VPS13C: variants seen among roughly 807,000 people sequenced by gnomAD.
VPS13C encodes the protein vacuolar protein sorting 13 homolog C.
In VPS13C, 358 loss-of-function variants were observed where a neutral mutation model predicts 456.8. The ratio of observed to expected loss-of-function variants is 0.78; its 90% CI spans 0.72 to 0.86. VPS13C has a LOEUF of 0.86. Among genes scored for constraint, VPS13C ranks in the 40% least tolerant of loss-of-function variants. The probability of loss-of-function intolerance (pLI) is 0.00; values close to 1 mark genes in which losing one functional copy is unlikely to be tolerated. For missense variants in VPS13C, 4,818 were observed against 4,385.4 expected, an observed-to-expected ratio of 1.10 and a Z score of -2.79; for synonymous variants, 1,578 against 1,486.7, an observed-to-expected ratio of 1.06 and a Z score of -1.41.
At chr15:61,894,936 G>C (rs551015391) in intron 66 of VPS13C, among the ~76,000 whole-genome samples, 1 of 152,100 alleles carries the variant, frequency 6.6e-6, no homozygotes. Flanking sequence ...CAGAATACAC[G>C]TTCTTCTCAT....
intron 45 of VPS13C, among the ~76,000 whole-genome samples, chr15:61,942,941 AC>A (rs1245101428): frequency 6.6e-6 from 1 of 152,132 alleles, no homozygotes; most frequent in African/African-American, 2.4e-5. Flanking sequence ...AAATCAATGT[AC>A]AAAAATCAGT....
At chr15:61,917,697 A>C in intron 59 of VPS13C, 62 bp from the exon 60 acceptor site, 432 of 1,518,652 alleles carry the variant, frequency 2.8e-4, no homozygotes, top group Non-Finnish European at 3.5e-4. Flanking sequence ...AAAGCATCTC[A>C]TTAAATCTTC....
chr15:61,895,030 C>A (rs1427964687), intron 66 of VPS13C, among the ~76,000 whole-genome samples: 1 of 152,036 alleles, frequency 6.6e-6, no homozygotes, highest in Non-Finnish European at 1.5e-5. Context: ...TCTTTTCTGT[C>A]CACAATGGAA....
intron 61 of VPS13C, 24 bp downstream of exon 61, chr15:61,915,609 C>T (rs766397987): frequency 1.3e-6 from 2 of 1,548,902 alleles, no homozygotes. Flanking sequence ...TCTGCTTTAA[C>T]TTATTATGTG....
At chr15:61,947,349 AGAT>A (rs1381305313) in intron 42 of VPS13C, 40 bp from the exon 43 acceptor site, 24 of 1,449,670 alleles carry the variant, frequency 1.7e-5, no homozygotes, top group Non-Finnish European at 2.3e-5. Flanking sequence ...CAAAGGGAAA[AGAT>A]AATACAACAC....
intron 81 of VPS13C, chr15:61,865,006 T>G: frequency 1.0e-6 from 1 of 984,546 alleles, no homozygotes; most frequent in Non-Finnish European, 1.2e-6. Flanking sequence ...GTTTTTAAAA[T>G]ATAATTTATC....
chr15:61,941,682 TACA>T (rs1768727584), intron 46 of VPS13C, 78 bp downstream of exon 46: 2 of 1,414,582 alleles, frequency 1.4e-6, no homozygotes, highest in South Asian at 2.9e-5. Context: ...CACAAATTAC[TACA>T]ACATTTTACC....
At position 61,856,404 on chromosome 15, in the gene VPS13C, A is replaced by G; in HGVS notation, c.10958T>C (p.Val3653Ala). Reference protein sequence around the residue: ...KTILMVTNRRVLCIKEVEILG... With the variant: ...KTILMVTNRRALCIKEVEILG... ...GATTTCAACTTCCTTTATACACAACACTCGCCTATTTTGCAAAAGAAAACA... is the reference window on the plus strand; with the variant it reads ...GATTTCAACTTCCTTTATACACAACGCTCGCCTATTTTGCAAAAGAAAACA... Residue 3653 changes from valine (V) to alanine (A), a missense_variant, in exon 83 of 85, where the codon GTG (valine) becomes GCG (alanine). Val to Ala is a moderately conservative substitution (Grantham distance 64). Coordinates refer to ENST00000644861, the MANE Select transcript of VPS13C (RefSeq NM_020821.3). The G allele has an allele frequency of 6.2e-7, 1 of 1,610,310 alleles. No homozygotes were observed. Among genetic ancestry groups the G allele is most frequent in the African/African-American group, 1.3e-5 (1 of 74,774 alleles).
intron 21 of VPS13C, among the ~76,000 whole-genome samples, chr15:61,982,173 A>G (rs919673902): frequency 1.3e-5 from 2 of 152,216 alleles, no homozygotes; most frequent in African/African-American, 4.8e-5. Context: ...ACAGTTTCTT[A>G]AGAACTGAGA....
chr15:61,880,744 A>G (rs746103710), intron 72 of VPS13C, 22 bp from the exon 73 acceptor site: 55 of 1,542,578 alleles, frequency 3.6e-5, no homozygotes, highest in Non-Finnish European at 4.7e-5. Flanking sequence ...AAAATCAAGA[A>G]TTTCTATTTT....
At chr15:62,025,010 T>C (rs1007017405) in intron 6 of VPS13C, among the ~76,000 whole-genome samples, 3 of 152,098 alleles carry the variant, frequency 2.0e-5, no homozygotes, top group Non-Finnish European at 4.4e-5. Flanking sequence ...TTACACAGAA[T>C]TGCATTAAAC....
In VPS13C at chr15:61,931,234, T is replaced by C; in HGVS notation, c.5894A>G (p.Asp1965Gly). The change falls in exon 50 of 85, where the codon GAC becomes GGC. Residue 1965 changes from aspartate to glycine, a missense_variant. Physicochemically the swap from Asp to Gly is moderately conservative, Grantham distance 94 (BLOSUM62 -1). Around this residue, in one of 3 missense-constraint regions of VPS13C, gnomAD observed 4,552 missense variants for 4,130.6 expected, o/e 1.10. Transcript: ENST00000644861. ...NQESGVAFHN[D>G]SFQLGELRLH... ...TCTGAGTTCACCAAGTTGGAAACTG[T>C]CATTATGAAATGCAACTCCAGATTC... The C allele has an allele frequency of 6.2e-7, 1 of 1,613,872 alleles. No homozygotes were observed. Among genetic ancestry groups the C allele is most frequent in the Non-Finnish European group, 8.5e-7 (1 of 1,179,894 alleles).
At chr15:61,982,275 T>C (rs1596417547) in intron 21 of VPS13C, among the ~76,000 whole-genome samples, 184 bp downstream of exon 21, 1 of 152,228 alleles carries the variant, frequency 6.6e-6, no homozygotes, top group Admixed American at 6.5e-5. Context: ...TATTATGCTC[T>C]TTCTCACCCA....
At chr15:61,931,701 C>T (rs368643629) in intron 49 of VPS13C, among the ~76,000 whole-genome samples, 24 of 151,718 alleles carry the variant, frequency 1.6e-4, no homozygotes, top group Admixed American at 1.1e-3. Context: ...CTCAGCCTCC[C>T]GAGTAGCTGG....
intron 1 of VPS13C, among the ~76,000 whole-genome samples, chr15:62,057,992 T>C (rs186142809): frequency 5.3e-5 from 8 of 152,280 alleles, no homozygotes; most frequent in East Asian, 3.9e-4. Flanking sequence ...AAAAAGAAAA[T>C]GTCTAAAGTA....
rs1330905662 is a variant in VPS13C at position 61,890,303 on chromosome 15, A to C, written c.9203T>G (p.Val3068Gly). The C allele has an allele frequency of 6.2e-7, 1 of 1,614,020 alleles. No homozygotes were observed. Among genetic ancestry groups the C allele is most frequent in the Non-Finnish European group, 8.5e-7 (1 of 1,180,034 alleles). The stretch of plus-strand genomic sequence containing the variant: ...CTGCAGTGCTTTGGAAACCAAGGCA[A>C]CATCATCGGTGAAAAGCAAAACTCT... ...RQRVLLFTDD[V>G]ALVSKALQAE... The change falls in exon 67 of 85, where the codon GTT becomes GGT. Residue 3068 changes from valine to glycine, a missense_variant. Physicochemically the swap from Val to Gly is moderately radical, Grantham distance 109 (BLOSUM62 -3). This residue lies in a region of VPS13C where 4,552 missense variants were observed against 4,130.6 expected (regional missense o/e 1.10). Transcript: ENST00000644861.
chr15:61,987,890 C>T (rs1236473743), intron 18 of VPS13C, among the ~76,000 whole-genome samples: 1 of 152,002 alleles, frequency 6.6e-6, no homozygotes, highest in African/African-American at 2.4e-5. Context: ...GTATTTAACT[C>T]AAGAGAAGTA....
intron 49 of VPS13C, among the ~76,000 whole-genome samples, chr15:61,932,402 A>T (rs1045255924): frequency 6.6e-6 from 1 of 152,168 alleles, no homozygotes; most frequent in Non-Finnish European, 1.5e-5. Flanking sequence ...AAAGAAATAC[A>T]GAGGCCTAAT....
chr15:61,907,508 A>ACC, intron 65 of VPS13C, 118 bp from the exon 66 acceptor site: 1 of 1,305,100 alleles, frequency 7.7e-7, no homozygotes, highest in Non-Finnish European at 1.0e-6. Context: ...TGGTTAATAA[A>ACC]ACACAACTCT....
Sources: allele counts gnomAD v4.1 joint callset (sites outside exome capture counted in the v4.1 genomes callset), GRCh38; gene constraint gnomAD v4.1.1; regional missense constraint gnomAD v4.1.1; transcripts MANE v1.5; gene names NCBI Gene and HGNC (gene_info 2026-07-23, HGNC 2026-07-21).